Variants in MAP3K7CL observed in about 807,000 individuals in gnomAD.
The protein encoded by MAP3K7CL is MAP3K7 C-terminal-like protein.
MAP3K7CL carries 16 observed loss-of-function variants against 18.6 expected under a neutral mutation model. That is an observed-to-expected ratio of 0.86 (90% CI 0.58 to 1.31). The LOEUF is 1.31. Ranked by LOEUF, MAP3K7CL falls within the 50% of genes most tolerant of loss-of-function variation. The pLI is 0.00. For synonymous variants in MAP3K7CL, 65 were observed against 66.8 expected, an observed-to-expected ratio of 0.97 and a Z score of 0.13; for missense variants, 163 against 174.4, an observed-to-expected ratio of 0.93 and a Z score of 0.37.
chr21:29,083,846 G>GAA (rs1207592944), upstream of MAP3K7CL, among the ~76,000 whole-genome samples: 1 of 147,830 alleles, frequency 6.8e-6, no homozygotes, highest in Non-Finnish European at 1.5e-5. Context: ...GTGTGTGTGT[G>GAA]TATATATGTG....
chr21:29,115,999 ATTCGATCTG>A (rs2086498397), intron 4 of MAP3K7CL, among the ~76,000 whole-genome samples: 1 of 152,222 alleles, frequency 6.6e-6, no homozygotes, highest in African/African-American at 2.4e-5. Flanking sequence ...CGAGCCTTGG[ATTCGATCTG>A]TTCCGTGGCT....
At chr21:29,136,741 G>A (rs995624372) in intron 2 of MAP3K7CL, among the ~76,000 whole-genome samples, 19 of 151,990 alleles carry the variant, frequency 1.3e-4, no homozygotes, top group African/African-American at 2.4e-4. Context: ...GGCTGGTCTC[G>A]AACTCCTGAC....
At chr21:29,147,589 CTG>C (rs1314573093) in intron 2 of MAP3K7CL, among the ~76,000 whole-genome samples, 1 of 151,438 alleles carries the variant, frequency 6.6e-6, no homozygotes, top group East Asian at 1.9e-4. Context: ...GTGTATGTAT[CTG>C]TACTGTATGT....
At chr21:29,097,026 A>G (rs1448403163) in intron 4 of MAP3K7CL, among the ~76,000 whole-genome samples, 2 of 152,196 alleles carry the variant, frequency 1.3e-5, no homozygotes, top group Non-Finnish European at 2.9e-5. Flanking sequence ...TTGGAAGAGC[A>G]CCATTTTTAA....
At chr21:29,109,234 G>A in intron 4 of MAP3K7CL, 3 of 1,535,120 alleles carry the variant, frequency 2.0e-6, no homozygotes, top group Non-Finnish European at 2.6e-6. Context: ...GAGCTCCGAG[G>A]AAGAAGAAAT....
At chr21:29,095,340 A>G (rs1448178867) in intron 4 of MAP3K7CL, among the ~76,000 whole-genome samples, 2 of 152,028 alleles carry the variant, frequency 1.3e-5, no homozygotes, top group Non-Finnish European at 1.5e-5. Context: ...CCTGTGGGCT[A>G]TAAAGAGGCA....
chr21:29,159,833 AAAAAG>A (rs998867090), intron 3 of MAP3K7CL, 103 bp from the exon 4 acceptor site: 12 of 786,134 alleles, frequency 1.5e-5, no homozygotes, highest in Middle Eastern at 2.4e-4. Flanking sequence ...GTTAAAAAAA[AAAAAG>A]AAGAAGAAAA....
At chr21:29,119,490 G>T in intron 4 of MAP3K7CL, among the ~76,000 whole-genome samples, 1 of 152,120 alleles carries the variant, frequency 6.6e-6, no homozygotes, top group East Asian at 1.9e-4. Context: ...GGCACACAGG[G>T]TCACTCTGTG....
chr21:29,118,921 G>A (rs1342422945), intron 4 of MAP3K7CL, among the ~76,000 whole-genome samples: 3 of 152,216 alleles, frequency 2.0e-5, no homozygotes, highest in Non-Finnish European at 2.9e-5. Flanking sequence ...AGAGGGCTCA[G>A]CCCTCCTACT....
At chr21:29,173,704 A>G (rs1338313870) in intron 4 of MAP3K7CL, among the ~76,000 whole-genome samples, 2 of 152,038 alleles carry the variant, frequency 1.3e-5, no homozygotes, top group Non-Finnish European at 2.9e-5. Context: ...TTAGCTCATT[A>G]TTTCTTTCCT....
At chr21:29,115,868 C>T (rs144000722) in intron 4 of MAP3K7CL, among the ~76,000 whole-genome samples, 2 of 152,336 alleles carry the variant, frequency 1.3e-5, no homozygotes, top group East Asian at 3.9e-4. Flanking sequence ...CCTTAATGTA[C>T]TACCTGACAC....
At chr21:29,165,898 C>G (rs972406722) in intron 4 of MAP3K7CL, among the ~76,000 whole-genome samples, 1 of 152,136 alleles carries the variant, frequency 6.6e-6, no homozygotes, top group Non-Finnish European at 1.5e-5. Flanking sequence ...AGTAATTGTA[C>G]TTAGTTATGG....
intron 4 of MAP3K7CL, among the ~76,000 whole-genome samples, chr21:29,117,449 CTA>C (rs2086521444): frequency 6.6e-6 from 1 of 152,232 alleles, no homozygotes; most frequent in Non-Finnish European, 1.5e-5. Context: ...AGTTTGAATG[CTA>C]TCACTGCTGA....
intron 4 of MAP3K7CL, among the ~76,000 whole-genome samples, chr21:29,169,835 C>G (rs1158488828): frequency 6.6e-6 from 1 of 152,134 alleles, no homozygotes; most frequent in Non-Finnish European, 1.5e-5. Flanking sequence ...AACTAAAAAC[C>G]TTTCCAGGCA....
intron 4 of MAP3K7CL, among the ~76,000 whole-genome samples, chr21:29,100,173 A>G (rs569789542): frequency 1.3e-5 from 2 of 151,970 alleles, no homozygotes; most frequent in South Asian, 2.1e-4. Context: ...AGCTGTCAGC[A>G]TCAGCCACGT....
At chr21:29,122,805 T>C (rs528362543) in intron 4 of MAP3K7CL, among the ~76,000 whole-genome samples, 3 of 152,282 alleles carry the variant, frequency 2.0e-5, no homozygotes, top group African/African-American at 7.2e-5. Context: ...CTTTGGGCCA[T>C]GGGTCCAGGT....
chr21:29,084,626 A>G (rs1174218650), upstream of MAP3K7CL, among the ~76,000 whole-genome samples: 1 of 152,238 alleles, frequency 6.6e-6, no homozygotes, highest in Non-Finnish European at 1.5e-5. Context: ...GCAGTCTGCT[A>G]GAGCAATTAC....
rs2087935976 is a variant in MAP3K7CL at position 29,175,078 on chromosome 21, C to A, written c.*186C>A. 1 of 495,220 alleles carries A rather than the reference C, an allele frequency of 2.0e-6. No individual in the cohort carries two copies. Among genetic ancestry groups the A allele is most frequent in the Non-Finnish European group, 3.5e-6 (1 of 287,322 alleles). 30.7% of individuals were successfully genotyped at this position (495,220 alleles called of 1,614,324 possible). On this transcript the variant is annotated 3_prime_UTR_variant, in exon 5 of 5. Transcript: ENST00000399928. ...AGAGAAGGGATATTTTAAATGAGAT[C>A]ATTAACGTGAAACTATTACTAGTAT...
chr21:29,097,106 G>A (rs964413734), intron 4 of MAP3K7CL, among the ~76,000 whole-genome samples: 2 of 152,140 alleles, frequency 1.3e-5, no homozygotes, highest in African/African-American at 4.8e-5. Context: ...AAAATCACAA[G>A]TAGGGGTAAG....
Sources: allele counts gnomAD v4.1 joint callset (sites outside exome capture counted in the v4.1 genomes callset), GRCh38; gene constraint gnomAD v4.1.1; transcripts MANE v1.5; gene names NCBI Gene and HGNC (gene_info 2026-07-23, HGNC 2026-07-21).